KDM4C: variants seen among roughly 807,000 people sequenced by gnomAD.
KDM4C encodes lysine-specific demethylase 4C.
A neutral mutation model predicts 129.3 loss-of-function variants in KDM4C; 81 were observed. The ratio of observed to expected loss-of-function variants is 0.63; its 90% CI spans 0.52 to 0.75. The LOEUF (loss-of-function observed/expected upper bound fraction) is 0.75, where lower values mean the gene tolerates loss of function less well. Among genes scored for constraint, KDM4C ranks in the 30% least tolerant of loss-of-function variants. The probability of loss-of-function intolerance (pLI) is 0.00; values close to 1 mark genes in which losing one functional copy is unlikely to be tolerated. For synonymous variants in KDM4C, 573 were observed against 456.1 expected, an observed-to-expected ratio of 1.26 and a Z score of -3.26; for missense variants, 1,457 against 1,304.0, an observed-to-expected ratio of 1.12 and a Z score of -1.81.
intron 4 of KDM4C, among the ~76,000 whole-genome samples, chr9:6,847,680 G>T (rs1838099263): frequency 1.3e-5 from 2 of 152,138 alleles, no homozygotes; most frequent in African/African-American, 4.8e-5. Flanking sequence ...GTGAGTCTCC[G>T]CGCCCGGCCG....
At chr9:6,963,781 C>G (rs1639355398) in intron 8 of KDM4C, among the ~76,000 whole-genome samples, 1 of 152,232 alleles carries the variant, frequency 6.6e-6, no homozygotes, top group Admixed American at 6.5e-5. Flanking sequence ...TAGACTACCT[C>G]AAGGCCCCTA....
intron 1 of KDM4C, chr9:6,748,716 C>T (rs766111335): frequency 1.4e-6 from 2 of 1,480,900 alleles, no homozygotes; most frequent in African/African-American, 1.4e-5. Flanking sequence ...GTTGGAGACA[C>T]TTTGTAGCAG....
At chr9:7,043,395 AG>A (rs1828906191) in intron 15 of KDM4C, among the ~76,000 whole-genome samples, 2 of 152,074 alleles carry the variant, frequency 1.3e-5, no homozygotes, top group Non-Finnish European at 2.9e-5. Context: ...TAGATTCTTA[AG>A]AAAACTTGGG....
At chr9:6,768,551 A>G (rs1347247936) in intron 1 of KDM4C, among the ~76,000 whole-genome samples, 2 of 152,176 alleles carry the variant, frequency 1.3e-5, no homozygotes, top group Admixed American at 6.6e-5. Context: ...CATTACTATC[A>G]TCTAATTTTT....
intron 4 of KDM4C, among the ~76,000 whole-genome samples, chr9:6,849,110 C>T (rs942418130): frequency 6.6e-6 from 1 of 152,036 alleles, no homozygotes; most frequent in African/African-American, 2.4e-5. Context: ...AAAAAAATCC[C>T]AAGAAAACCC....
chr9:7,172,435 C>A (rs1297716998), intron 21 of KDM4C, among the ~76,000 whole-genome samples: 1 of 152,234 alleles, frequency 6.6e-6, no homozygotes, highest in Non-Finnish European at 1.5e-5. Context: ...TTTGCTGTTT[C>A]TGCACAGTGG....
intron 5 of KDM4C, among the ~76,000 whole-genome samples, chr9:6,850,064 A>G (rs1387985778): frequency 6.6e-6 from 1 of 152,228 alleles, no homozygotes; most frequent in Non-Finnish European, 1.5e-5. Flanking sequence ...TGCCTACAAT[A>G]TTTAGTTCAG....
Position 7,162,001 on chromosome 9 carries a change from CT to C in KDM4C, c.2782-3235del, listed in dbSNP as rs543610408. Among the ~76,000 whole-genome samples the C allele has an allele frequency of 1.1e-3, 170 of 152,278 alleles. 2 individuals carry two copies. Among genetic ancestry groups the C allele is most frequent in the Non-Finnish European group, 1.7e-3 (117 of 68,022 alleles). Reference sequence around the variant, plus strand: ...TCTTTTATGTTTTACTCCGAGCTACCTTAACTTCATTTGGAAAGTAGCTAAG... The same window carrying C: ...TCTTTTATGTTTTACTCCGAGCTACCTAACTTCATTTGGAAAGTAGCTAAG... On this transcript the variant is annotated intron_variant, in intron 19 of 21. Coordinates refer to ENST00000381309, the MANE Select transcript of KDM4C (RefSeq NM_015061.6).
chr9:7,135,941 T>C (rs1283725809), intron 19 of KDM4C, among the ~76,000 whole-genome samples: 1 of 152,196 alleles, frequency 6.6e-6, no homozygotes, highest in Non-Finnish European at 1.5e-5. Flanking sequence ...ACTGATGCAG[T>C]TATACTCCCT....
chr9:7,154,557 C>T (rs1459151038), intron 19 of KDM4C, among the ~76,000 whole-genome samples: 1 of 152,178 alleles, frequency 6.6e-6, no homozygotes, highest in African/African-American at 2.4e-5. Flanking sequence ...AACTCAGTGA[C>T]TTCAGAATTC....
At chr9:6,903,265 T>G (rs1817711642) in intron 8 of KDM4C, among the ~76,000 whole-genome samples, 3 of 152,226 alleles carry the variant, frequency 2.0e-5, no homozygotes, top group Non-Finnish European at 2.9e-5. Flanking sequence ...AAAAGATGAC[T>G]GTTTTGTTGA....
At chr9:6,944,652 G>GTTTTCTTTTTTTTTTTTTTTT (rs1393031275) in intron 8 of KDM4C, among the ~76,000 whole-genome samples, 1 of 80,990 alleles carries the variant, frequency 1.2e-5, no homozygotes, top group Non-Finnish European at 2.2e-5. Flanking sequence ...CAAGGTAGAG[G>GTTTTCTTTTTTTTTTTTTTTT]TTTTTTTTTT....
intron 18 of KDM4C, among the ~76,000 whole-genome samples, chr9:7,125,779 C>T (rs1839971676): frequency 6.6e-6 from 1 of 152,160 alleles, no homozygotes; most frequent in Non-Finnish European, 1.5e-5. Flanking sequence ...ATTTTGGTCC[C>T]TTGGGGATTA....
At chr9:7,025,953 C>T (rs1825741070) in intron 15 of KDM4C, among the ~76,000 whole-genome samples, 1 of 152,090 alleles carries the variant, frequency 6.6e-6, no homozygotes, top group Non-Finnish European at 1.5e-5. Flanking sequence ...GCCTGTAATC[C>T]CAGCACTCTG....
At chr9:7,033,469 C>A (rs901802915) in intron 15 of KDM4C, among the ~76,000 whole-genome samples, 1 of 152,138 alleles carries the variant, frequency 6.6e-6, no homozygotes, top group African/African-American at 2.4e-5. Context: ...TAAACCTTGG[C>A]CTGCAAAGGC....
intron 8 of KDM4C, among the ~76,000 whole-genome samples, chr9:6,928,378 A>G (rs1172141992): frequency 6.6e-6 from 1 of 152,104 alleles, no homozygotes; most frequent in Non-Finnish European, 1.5e-5. Flanking sequence ...TCTTGCCAGC[A>G]GGCTTTAAGT....
chr9:7,036,815 ACTGTGTTG>A (rs1827732043), intron 15 of KDM4C, among the ~76,000 whole-genome samples: 1 of 152,158 alleles, frequency 6.6e-6, no homozygotes, highest in African/African-American at 2.4e-5. Context: ...TTTGTCATTC[ACTGTGTTG>A]CTCAGGGTCT....
At chr9:6,870,627 T>C (rs1354579386) in intron 5 of KDM4C, among the ~76,000 whole-genome samples, 2 of 152,062 alleles carry the variant, frequency 1.3e-5, no homozygotes, top group African/African-American at 4.8e-5. Context: ...TTGAACACTT[T>C]AGTGAAGGTA....
chr9:6,856,171 C>CAA (rs58881523), intron 5 of KDM4C, among the ~76,000 whole-genome samples: 2 of 142,930 alleles, frequency 1.4e-5, no homozygotes, highest in East Asian at 2.0e-4. Flanking sequence ...ATTTGAAGAT[C>CAA]AAAAAAAAAA....
Sources: allele counts gnomAD v4.1 joint callset (sites outside exome capture counted in the v4.1 genomes callset), GRCh38; gene constraint gnomAD v4.1.1; transcripts MANE v1.5; gene names NCBI Gene and HGNC (gene_info 2026-07-23, HGNC 2026-07-21).